The following CA11 variants were observed in gnomAD, a reference collection of about 807,000 sequenced individuals.
The protein encoded by CA11 is carbonic anhydrase 11 (inactive).
A neutral mutation model predicts 39.3 loss-of-function variants in CA11; 20 were observed. The observed-to-expected ratio is 0.51, with a 90% CI of 0.36 to 0.74. The LOEUF is 0.74. CA11 is among the 30% of genes least tolerant of loss of function. The pLI, the probability that CA11 is intolerant of heterozygous loss-of-function variation, is 0.00. For synonymous variants in CA11, 166 were observed against 172.5 expected (o/e 0.96, Z 0.29); for missense variants, 336 against 424.6 (o/e 0.79, Z 1.83).
At position 48,637,971 on chromosome 19, in the gene CA11, TAC is replaced by T; in HGVS notation, c.*146_*147del. The T allele has an allele frequency of 2.1e-6, 1 of 480,046 alleles. No homozygotes were observed. Among genetic ancestry groups the T allele is most frequent in the Non-Finnish European group, 3.7e-6 (1 of 272,310 alleles). 29.7% of individuals were successfully genotyped at this position (480,046 alleles called of 1,614,324 possible). A position where few individuals can be genotyped will look rare whatever the true frequency, so the allele number is the denominator to read the frequency against. On this transcript the variant is annotated 3_prime_UTR_variant, in exon 9 of 9. Transcript: ENST00000084798. ...TTTCCGGAAGAAGTCTGTTCTTTAA[TAC>T]CCAAATGTTTCCCCACCGCGCCTAG...
rs572042693 is a variant in CA11, at chr19:48,645,584, C to T, written c.49G>A (p.Ala17Thr). ...LSAPRALVLWAALGAAAHIGP... is the reference protein window; with the variant it reads ...LSAPRALVLWTALGAAAHIGP... The stretch of plus-strand genomic sequence containing the variant: ...GTCTTACCTGCTGCCCCCAGTGCAG[C>T]CCAGAGTACCAGCGCTCGAGGGGCG... The change falls in exon 1 of 9, where the codon GCT becomes ACT. Residue 17 changes from alanine (A) to threonine (T), a missense_variant. Physicochemically the swap from Ala to Thr is moderately conservative, Grantham distance 58. Coordinates refer to ENST00000084798, the MANE Select transcript of CA11 (RefSeq NM_001217.5). 2 of 1,605,570 alleles carry T rather than the reference C, an allele frequency of 1.2e-6. No individual in the cohort carries two copies. The highest frequency in any genetic ancestry group is 1.1e-5 in the South Asian group (1 of 89,572).
chr19:48,639,302 C>A lies in CA11; in HGVS notation c.795+3G>T. 6.2e-7 allele frequency: 1 copy of A among 1,613,076 alleles called. No homozygotes were observed. The highest frequency in any genetic ancestry group is 1.1e-5 in the South Asian group (1 of 91,022). ...AGGAAGGGCGGTGCGGACAGAGGGT[C>A]ACCTGAAGGGAGGTGATATTGAGGG... On this transcript the variant is annotated splice_donor_region_variant and intron_variant, in intron 7 of 8. Coordinates refer to ENST00000084798, the MANE Select transcript of CA11 (RefSeq NM_001217.5).
Position 48,644,442 on chromosome 19 carries a change from G to A in CA11, c.270C>T (p.Ser90=). The change falls in exon 3 of 9, where the codon AGC becomes AGT. Residue 90 remains serine (S), a synonymous_variant. Transcript: ENST00000084798. ...YDPFLPPLRL[S]TGGEKLRGTL... ...AGCCCCTTACCTTCTCTCCTCCAGT[G>A]CTGAGCCTTAATGGGGGCAGAAAGG... The A allele has an allele frequency of 6.2e-7, 1 of 1,604,146 alleles. No homozygotes were observed. The highest frequency in any genetic ancestry group is 8.5e-7 in the Non-Finnish European group (1 of 1,173,772).
At position 48,639,298 on chromosome 19, in the gene CA11, G is replaced by A; in HGVS notation, c.795+7C>T. The A allele has an allele frequency of 1.2e-6, 2 of 1,613,074 alleles. No individual in the cohort carries two copies. Among genetic ancestry groups the A allele is most frequent in the Non-Finnish European group, 8.5e-7 (1 of 1,179,644 alleles). Reference sequence around the variant, plus strand: ...GCCTAGGAAGGGCGGTGCGGACAGAGGGTCACCTGAAGGGAGGTGATATTG... The same window carrying A: ...GCCTAGGAAGGGCGGTGCGGACAGAAGGTCACCTGAAGGGAGGTGATATTG... On this transcript the variant is annotated splice_region_variant and intron_variant, in intron 7 of 8. Coordinates refer to ENST00000084798, the MANE Select transcript of CA11 (RefSeq NM_001217.5).
rs2031157073 is a variant in CA11 at position 48,643,647 on chromosome 19, A to G, written c.285+780T>C. 6.6e-6 allele frequency among the ~76,000 whole-genome samples: 1 copy of G among 151,174 alleles called. No homozygotes were observed. Among genetic ancestry groups the G allele is most frequent in the Admixed American group, 6.6e-5 (1 of 15,090 alleles). On this transcript the variant is annotated intron_variant, in intron 3 of 8. Coordinates refer to ENST00000084798, the MANE Select transcript of CA11 (RefSeq NM_001217.5). This position sits in a 1 kb window ranked among gnomAD's most constrained non-coding sequence, Gnocchi z 4.3. ...CCCAATTCCAAAAAAAAAAAAAAAAAGTATGGTTCCCAGCATGGTACTATA... is the reference window on the plus strand; with the variant it reads ...CCCAATTCCAAAAAAAAAAAAAAAAGGTATGGTTCCCAGCATGGTACTATA...
chr19:48,644,745 C>T (rs936048134), intron 2 of CA11, among the ~76,000 whole-genome samples, 176 bp from the exon 3 acceptor site: 1 of 152,042 alleles, frequency 6.6e-6, no homozygotes, highest in African/African-American at 2.4e-5. Context: ...ATTCTGGGTC[C>T]TAGAAGAATC....
rs1374807808 is a variant in CA11 at position 48,644,517 on chromosome 19, C to G, written c.195G>C (p.Gly65=). 6.2e-7 allele frequency: 1 copy of G among 1,611,556 alleles called. No homozygotes were observed. ...CCACATCCACGGGGCTCTGCCGCTT[C>G]CCCACAGCACACAGACTCCACGCTG... The part of the protein sequence containing the change: ...VNAAWSLCAV[G]KRQSPVDVEL... The change falls in exon 3 of 9, where the codon GGG becomes GGC. Residue 65 remains glycine (G), a synonymous_variant. Transcript: ENST00000084798.
Position 48,645,709 on chromosome 19 carries a change from A to T in CA11, c.-77T>A. On this transcript the variant is annotated 5_prime_UTR_variant, in exon 1 of 9. Transcript: ENST00000084798. ...AGCTCCTCTGTCCCCTCCTTCTGGGACCCTGTCCCTCCAGGACTTCCAGCT... is the reference window on the plus strand; with the variant it reads ...AGCTCCTCTGTCCCCTCCTTCTGGGTCCCTGTCCCTCCAGGACTTCCAGCT... 1 of 1,227,582 alleles carries T rather than the reference A, an allele frequency of 8.1e-7. No homozygotes were observed. Among genetic ancestry groups the T allele is most frequent in the South Asian group, 1.6e-5 (1 of 62,500 alleles). The allele number at this position is 1,227,582 out of a possible 1,614,324, so 76.0% of individuals were successfully genotyped here.
chr19:48,638,464 G>T, intron 8 of CA11: 2 of 777,948 alleles, frequency 2.6e-6, no homozygotes, highest in Non-Finnish European at 3.3e-6. Flanking sequence ...GAGGTGGAGG[G>T]AAGGGGTTGT....
intron 2 of CA11, 73 bp downstream of exon 2, chr19:48,645,330 G>A: frequency 7.4e-7 from 1 of 1,356,416 alleles, no homozygotes; most frequent in Non-Finnish European, 1.0e-6. Context: ...AGGGAGCTGG[G>A]AACCCAGGTT....
intron 8 of CA11, chr19:48,638,428 T>C: frequency 2.2e-6 from 2 of 915,026 alleles, no homozygotes; most frequent in Non-Finnish European, 2.7e-6. Flanking sequence ...GTGTGTGAGA[T>C]TCCTGGGCTA....
chr19:48,638,948 C>T lies in CA11; in HGVS notation c.901G>A (p.Gly301Ser), dbSNP rs756094830. Reference sequence around the variant, plus strand: ...TCGGGGTGCCGGGGGTCCCTGTTGCCCCTCAGTGCCCTGTGGGCCAAGGGC... The same window carrying T: ...TCGGGGTGCCGGGGGTCCCTGTTGCTCCTCAGTGCCCTGTGGGCCAAGGGC... ...LQPLAHRALRGNRDPRHPERR... is the reference protein window; with the variant it reads ...LQPLAHRALRSNRDPRHPERR... The change falls in exon 8 of 9, where the codon GGC becomes AGC. Residue 301 changes from glycine to serine, a missense_variant. Physicochemically the swap from Gly to Ser is moderately conservative, Grantham distance 56 (BLOSUM62 0). Coordinates refer to ENST00000084798, the MANE Select transcript of CA11 (RefSeq NM_001217.5). 1.2e-6 allele frequency: 2 copies of T among 1,610,930 alleles called. No individual in the cohort carries two copies. The highest frequency in any genetic ancestry group is 4.5e-5 in the East Asian group (2 of 44,854).
intron 8 of CA11, 200 bp from the exon 9 acceptor site, chr19:48,638,344 G>A: frequency 5.4e-6 from 4 of 741,610 alleles, no homozygotes; most frequent in Non-Finnish European, 6.4e-6. Context: ...TCCAGATTCA[G>A]CAGTAGGCTG....
chr19:48,638,820 G>A (rs1176291247), intron 8 of CA11, 68 bp downstream of exon 8: 2 of 1,442,076 alleles, frequency 1.4e-6, no homozygotes, highest in Non-Finnish European at 1.8e-6. Context: ...ATCACACTGA[G>A]ACACCAAGGG....
intron 4 of CA11, 69 bp from the exon 5 acceptor site, chr19:48,639,952 C>T: frequency 6.5e-7 from 1 of 1,538,420 alleles, no homozygotes; most frequent in Non-Finnish European, 9.0e-7. Context: ...GCTTTGGGGG[C>T]CCGAATCAGG....
At position 48,645,420 on chromosome 19, in the gene CA11, T is replaced by C; in HGVS notation, c.125A>G (p.Gln42Arg). 1 of 1,594,978 alleles carries C rather than the reference T, an allele frequency of 6.3e-7. No individual in the cohort carries two copies. Among genetic ancestry groups the C allele is most frequent in the Non-Finnish European group, 8.5e-7 (1 of 1,170,282 alleles). Residue 42 changes from glutamine to arginine, a missense_variant, in exon 2 of 9, where the codon CAG becomes CGG. By Grantham distance (43) the Gln-to-Arg change is conservative. Transcript: ENST00000084798. The stretch of plus-strand genomic sequence containing the variant: ...GGCGGCACCTGGCACGAAGTTTCCC[T>C]GGAGATTATCCTTGTAGCTCCACCA... ...EDWWSYKDNL[Q>R]GNFVPGPPFW... is the part of the protein sequence containing the mutation.
At position 48,638,164 on chromosome 19, in the gene CA11, G is replaced by A. The variant is rs1354777232; in HGVS notation, c.962-20C>T. On this transcript the variant is annotated intron_variant, in intron 8 of 8. Coordinates refer to ENST00000084798, the MANE Select transcript of CA11 (RefSeq NM_001217.5). The stretch of plus-strand genomic sequence containing the variant: ...CATCCACTGTAAGACAGAGAACAAC[G>A]GCAGGGGGCGTCAGTATAGGATGGA... 2 of 1,331,152 alleles carry A rather than the reference G, an allele frequency of 1.5e-6. No individual in the cohort carries two copies. The highest frequency in any genetic ancestry group is 1.5e-5 in the African/African-American group (1 of 65,062). The allele number at this position is 1,331,152 out of a possible 1,614,324, so 82.5% of individuals were successfully genotyped here. A position where few individuals can be genotyped will look rare whatever the true frequency, so the allele number is the denominator to read the frequency against.
chr19:48,639,759 C>G (rs1211902065), intron 5 of CA11, 29 bp downstream of exon 5: 4 of 1,608,428 alleles, frequency 2.5e-6, no homozygotes, highest in Non-Finnish European at 3.4e-6. Context: ...CCCAACTGCT[C>G]CCTCCCTCTG....
Position 48,645,624 on chromosome 19 carries a change from A to C in CA11, c.9T>G (p.Ala3=). The C allele has an allele frequency of 6.3e-7, 1 of 1,591,424 alleles. No individual in the cohort carries two copies. Among genetic ancestry groups the C allele is most frequent in the Non-Finnish European group, 8.5e-7 (1 of 1,169,686 alleles). The change falls in exon 1 of 9, where the codon GCT becomes GCG. Residue 3 remains alanine (A), a synonymous_variant. Transcript: ENST00000084798. MG[A]AARLSAPRAL... Reference sequence around the variant, plus strand: ...CTCGAGGGGCGCTCAGACGAGCTGCAGCCCCCATCCCCAGGAGGCCTCCGA... The same window carrying C: ...CTCGAGGGGCGCTCAGACGAGCTGCCGCCCCCATCCCCAGGAGGCCTCCGA...
Sources: gnomAD v4.1 joint callset for allele counts (sites outside exome capture counted in the v4.1 genomes callset) on GRCh38, gnomAD v4.1.1 for gene constraint, Gnocchi (gnomAD v3.1) non-coding constraint, MANE v1.5 for transcripts, NCBI Gene and HGNC (gene_info 2026-07-23, HGNC 2026-07-21) for gene names.